The following SASH1 variants were observed in gnomAD, a reference collection of about 807,000 sequenced individuals.
SASH1 encodes the protein SAM and SH3 domain containing 1, also known as SAM and SH3 domain-containing protein 1.
A neutral mutation model predicts 125.2 loss-of-function variants in SASH1; 44 were observed. That is an observed-to-expected ratio of 0.35 (90% CI 0.28 to 0.45). SASH1 has a LOEUF of 0.45. Among genes scored for constraint, SASH1 ranks in the 20% least tolerant of loss-of-function variants. The pLI is 1.00. For missense variants in SASH1, 1,426 were observed against 1,614.5 expected (o/e 0.88, Z 2.00); for synonymous variants, 639 against 649.1 (o/e 0.98, Z 0.24).
intron 2 of SASH1, among the ~76,000 whole-genome samples, chr6:148,418,245 C>A (rs982718458): frequency 2.0e-5 from 3 of 152,156 alleles, no homozygotes; most frequent in Non-Finnish European, 4.4e-5. Context: ...AGGGAATTTT[C>A]AAGAAAATAG....
chr6:148,528,409 C>G (rs527586233), intron 12 of SASH1, among the ~76,000 whole-genome samples: 2 of 152,088 alleles, frequency 1.3e-5, no homozygotes, highest in Admixed American at 6.5e-5. Context: ...CTTTATCTAC[C>G]AAATAAAAAC....
intron 4 of SASH1, among the ~76,000 whole-genome samples, chr6:148,451,646 GGAAGAAAGAAACAACAGACGACAT>G (rs962822056): frequency 2.0e-5 from 3 of 152,102 alleles, no homozygotes; most frequent in African/African-American, 4.8e-5. Context: ...AAGAAAGAAA[GGAAGAAAGAAACAACAGACGACAT>G]AATACCTTCA....
intron 8 of SASH1, among the ~76,000 whole-genome samples, chr6:148,493,311 T>C (rs1779187382): frequency 6.6e-6 from 1 of 152,190 alleles, no homozygotes; most frequent in Non-Finnish European, 1.5e-5. Flanking sequence ...TGTTCTGCAT[T>C]TTTATGAAGA....
chr6:148,504,707 A>G (rs980774085), intron 8 of SASH1, among the ~76,000 whole-genome samples: 2 of 151,884 alleles, frequency 1.3e-5, no homozygotes, highest in African/African-American at 4.8e-5. Flanking sequence ...ACCAGTATTT[A>G]TGGGTGGGCA....
At chr6:148,355,220 T>C (rs1781882851) in intron 1 of SASH1, among the ~76,000 whole-genome samples, 1 of 152,212 alleles carries the variant, frequency 6.6e-6, no homozygotes, top group Non-Finnish European at 1.5e-5. Flanking sequence ...TATTGTGAAT[T>C]ACAGTTTTTT....
intron 1 of SASH1, among the ~76,000 whole-genome samples, chr6:148,301,330 A>G (rs893070232): frequency 1.0e-4 from 15 of 147,742 alleles, no homozygotes; most frequent in Admixed American, 1.4e-4. Context: ...CCATCTCAAA[A>G]AAAAAAAAAA....
At chr6:148,422,705 GA>G in intron 2 of SASH1, among the ~76,000 whole-genome samples, 1 of 152,226 alleles carries the variant, frequency 6.6e-6, no homozygotes, top group African/African-American at 2.4e-5. Flanking sequence ...TTAATGCTCA[GA>G]AGGGAGGAAA....
chr6:148,521,658 T>C (rs1317508604), intron 10 of SASH1, among the ~76,000 whole-genome samples: 4 of 152,256 alleles, frequency 2.6e-5, no homozygotes, highest in Non-Finnish European at 2.9e-5. Context: ...TTTTCAATGG[T>C]TGAGTTTTTG....
intron 11 of SASH1, among the ~76,000 whole-genome samples, chr6:148,526,643 A>C (rs1781178277): frequency 6.6e-6 from 1 of 152,078 alleles, no homozygotes; most frequent in African/African-American, 2.4e-5. Flanking sequence ...TTTGTTTTTT[A>C]AAAAAATGCA....
chr6:148,246,635 G>GA, the SASH1 span, among the ~76,000 whole-genome samples: 1 of 152,132 alleles, frequency 6.6e-6, no homozygotes. Flanking sequence ...ATAGTAAAAA[G>GA]AAAATATTTT....
intron 1 of SASH1, among the ~76,000 whole-genome samples, chr6:148,377,559 ATTCC>A (rs1246497681): frequency 6.6e-6 from 1 of 152,200 alleles, no homozygotes; most frequent in African/African-American, 2.4e-5. Context: ...GAAATCAATA[ATTCC>A]TGTACTCTGA....
intron 6 of SASH1, 127 bp downstream of exon 6, chr6:148,471,630 C>T: frequency 3.2e-6 from 2 of 631,182 alleles, no homozygotes; most frequent in South Asian, 4.0e-5. Context: ...AGATGTTCAA[C>T]TTTTCTGACA....
At chr6:148,313,670 C>T (rs535235102) in intron 1 of SASH1, among the ~76,000 whole-genome samples, 23 of 152,230 alleles carry the variant, frequency 1.5e-4, no homozygotes, top group African/African-American at 5.5e-4. Context: ...GAGCAGATGG[C>T]ATGTCATTTT....
At chr6:148,477,996 C>T (rs1260664400) in intron 7 of SASH1, among the ~76,000 whole-genome samples, 3 of 152,100 alleles carry the variant, frequency 2.0e-5, no homozygotes, top group African/African-American at 2.4e-5. Flanking sequence ...TGTGCCTGGC[C>T]TAAAATGGCT....
At chr6:148,342,293 T>C (rs986611905), upstream of SASH1, among the ~76,000 whole-genome samples, 31 of 152,158 alleles carry the variant, frequency 2.0e-4, no homozygotes, top group African/African-American at 6.8e-4. Flanking sequence ...CTTGGGTCGC[T>C]TGACTTCACG....
chr6:148,511,559 G>A (rs1029487328), intron 8 of SASH1, among the ~76,000 whole-genome samples: 1 of 151,978 alleles, frequency 6.6e-6, no homozygotes, highest in African/African-American at 2.4e-5. Flanking sequence ...TTAATTCAAA[G>A]GTACAAAGAA....
intron 1 of SASH1, among the ~76,000 whole-genome samples, chr6:148,363,048 C>T (rs932398012): frequency 5.3e-5 from 8 of 152,166 alleles, no homozygotes; most frequent in African/African-American, 1.9e-4. Context: ...GAAGTGGCTT[C>T]TTAGGTCTGG....
Position 148,390,053 on chromosome 6 carries a change from T to C in SASH1, c.157-81T>C, listed in dbSNP as rs1583070524. On this transcript the variant is annotated intron_variant, in intron 1 of 19. Transcript: ENST00000367467. ...AATACCAACCTTTATTACTATTAAC[T>C]CTGCGTAGAGGGAGGTCCGATGGCT... The C allele has an allele frequency of 2.0e-6, 3 of 1,513,586 alleles. No individual in the cohort carries two copies. In the East Asian group the frequency reaches 6.9e-5, roughly 35 times the overall value. The allele number at this position is 1,513,586 out of a possible 1,614,324, so 93.8% of individuals were successfully genotyped here. A position where few individuals can be genotyped will look rare whatever the true frequency, so the allele number is the denominator to read the frequency against.
chr6:148,392,470 A>G (rs1279815085), intron 2 of SASH1, among the ~76,000 whole-genome samples: 1 of 152,116 alleles, frequency 6.6e-6, no homozygotes, highest in Non-Finnish European at 1.5e-5. Context: ...TGTTACATAC[A>G]AGGGTTCTGT....
Sources: gnomAD v4.1 joint callset for allele counts (sites outside exome capture counted in the v4.1 genomes callset) on GRCh38, gnomAD v4.1.1 for gene constraint, MANE v1.5 for transcripts, NCBI Gene and HGNC (gene_info 2026-07-23, HGNC 2026-07-21) for gene names.